Variants in SLC6A7 observed in about 807,000 individuals in gnomAD.
SLC6A7 encodes sodium-dependent proline transporter.
In SLC6A7, 58 loss-of-function variants were observed where a neutral mutation model predicts 73.1. That is an observed-to-expected ratio of 0.79 (90% confidence interval 0.64 to 0.99). SLC6A7 has a LOEUF of 0.99. SLC6A7 is among the 50% of genes least tolerant of loss of function. The probability of loss-of-function intolerance (pLI) is 0.00; values close to 1 mark genes in which losing one functional copy is unlikely to be tolerated. For missense variants in SLC6A7, 783 were observed against 831.4 expected (o/e 0.94, Z 0.72); for synonymous variants, 338 against 338.7 (o/e 1.00, Z 0.02).
intron 4 of SLC6A7, among the ~76,000 whole-genome samples, chr5:150,198,047 AAG>A (rs1314662126): frequency 8.3e-5 from 11 of 132,632 alleles, no homozygotes; most frequent in Non-Finnish European, 1.4e-4. Context: ...TAAAAGAAGA[AAG>A]AGAAAGAAAG....
At chr5:150,206,667 T>C (rs1016099137) in intron 13 of SLC6A7, among the ~76,000 whole-genome samples, 10 of 152,226 alleles carry the variant, frequency 6.6e-5, no homozygotes, top group African/African-American at 2.4e-4. Flanking sequence ...CCCTGGAGTC[T>C]AGCCTCTGCA....
At position 150,205,233 on chromosome 5, in the gene SLC6A7, A is replaced by T. The variant is rs2342278; in HGVS notation, c.1534-223A>T. 2.6e-5 allele frequency among the ~76,000 whole-genome samples: 4 copies of T among 152,328 alleles called. No homozygotes were observed. The East Asian group carries it at 7.7e-4, about 29-fold the overall frequency. Reference sequence around the variant, plus strand: ...GCTAAGGGTCTGGGGTGCCTCAGAAATGGCTTGTGCAGGCCTTGGTGTTGG... The same window carrying T: ...GCTAAGGGTCTGGGGTGCCTCAGAATTGGCTTGTGCAGGCCTTGGTGTTGG... On this transcript the variant is annotated intron_variant, in intron 12 of 13. Transcript: ENST00000230671.
chr5:150,190,305 G>C lies in SLC6A7; in HGVS notation c.-23G>C, dbSNP rs765059354. The C allele has an allele frequency of 2.8e-5, 42 of 1,510,348 alleles. No homozygotes were observed. Among genetic ancestry groups the C allele is most frequent in the Admixed American group, 2.0e-4 (9 of 45,956 alleles). The allele number at this position is 1,510,348 out of a possible 1,614,324, so 93.6% of individuals were successfully genotyped here. ...GCTCTCTGCGCTCCGGGGCAGCTGA[G>C]CCCCGGCCACCCGCTCTCCAAGATG... is the stretch of plus-strand genomic sequence containing the variant. On this transcript the variant is annotated 5_prime_UTR_variant, in exon 1 of 14. Transcript: ENST00000230671.
At chr5:150,208,692 T>C (rs1179836875) in intron 13 of SLC6A7, among the ~76,000 whole-genome samples, 1 of 152,182 alleles carries the variant, frequency 6.6e-6, no homozygotes, top group Non-Finnish European at 1.5e-5. Context: ...ATTGCCTCCT[T>C]TCTTTAAGGA....
At chr5:150,209,173 G>A (rs1202142766) in intron 13 of SLC6A7, among the ~76,000 whole-genome samples, 2 of 152,246 alleles carry the variant, frequency 1.3e-5, no homozygotes, top group African/African-American at 2.4e-5. Flanking sequence ...ACCCAGAGCC[G>A]AGCGGCATTG....
chr5:150,198,107 G>GAAGGAAAGAA (rs1562085460), intron 4 of SLC6A7, among the ~76,000 whole-genome samples: 19 of 101,462 alleles, frequency 1.9e-4, no homozygotes, highest in Non-Finnish European at 3.7e-4. Flanking sequence ...AAGAAAGAAA[G>GAAGGAAAGAA]AAAGAAAGAG....
Position 150,190,337 on chromosome 5 carries a change from C to CTCCA in SLC6A7, c.11_14dup (p.Gln5HisfsTer20). On this transcript the variant is annotated frameshift_variant, in exon 1 of 14. Transcript: ENST00000230671. LOFTEE classifies it high-confidence loss of function. Reference sequence around the variant, plus strand: ...CCACCCGCTCTCCAAGATGAAGAAGCTCCAGGGAGCTCACCTCCGCAAGGT... The same window carrying CTCCA: ...CCACCCGCTCTCCAAGATGAAGAAGCTCCATCCAGGGAGCTCACCTCCGCAAGGT... 1 of 1,510,288 alleles carries CTCCA rather than the reference C, an allele frequency of 6.6e-7. No individual in the cohort carries two copies. The highest frequency in any genetic ancestry group is 8.8e-7 in the Non-Finnish European group (1 of 1,130,426). The allele number at this position is 1,510,288 out of a possible 1,614,324, so 93.6% of individuals were successfully genotyped here. A position where few individuals can be genotyped will look rare whatever the true frequency, so the allele number is the denominator to read the frequency against.
Position 150,190,173 on chromosome 5 carries a change from C to A in SLC6A7, c.-155C>A. ...CGCAGCGCCCTGCCCGCGCTCCACG[C>A]CCGCAGCCGCCAGACGGCAGCGCCT... is the stretch of plus-strand genomic sequence containing the variant. On this transcript the variant is annotated 5_prime_UTR_variant, in exon 1 of 14. Transcript: ENST00000230671. 1 of 558,190 alleles carries A rather than the reference C, an allele frequency of 1.8e-6. No homozygotes were observed. 34.6% of individuals were successfully genotyped at this position (558,190 alleles called of 1,614,324 possible).
chr5:150,193,512 G>A lies in SLC6A7; in HGVS notation c.34-1216G>A, dbSNP rs570740374. On this transcript the variant is annotated intron_variant, in intron 1 of 13. Transcript: ENST00000230671. ...CCCCCCAGCCAAGCTGTCAGCATGC[G>A]GGGAGGGGGAGTATTGGGGAAGTTT... Among the ~76,000 whole-genome samples, 19 of 152,276 alleles carry A rather than the reference G, an allele frequency of 1.2e-4. 1 individual carries two copies. The Middle Eastern group carries it at 0.014, about 109-fold the overall frequency.
rs570525801 is a variant in SLC6A7 at position 150,204,720 on chromosome 5, GTCCCAA to G, written c.1432+90_1432+95del. On this transcript the variant is annotated intron_variant, in intron 11 of 13. Coordinates refer to ENST00000230671, the MANE Select transcript of SLC6A7 (RefSeq NM_014228.5). Reference sequence around the variant, plus strand: ...GGGAGCCCCAGTACCTGGGTCCCTGGTCCCAAGGGCCAGGGTTTCCAGTGGGGGCAG... The same window carrying G: ...GGGAGCCCCAGTACCTGGGTCCCTGGGGGCCAGGGTTTCCAGTGGGGGCAG... 2.6e-4 allele frequency: 349 copies of G among 1,359,866 alleles called. No individual in the cohort carries two copies. In the African/African-American group the frequency reaches 4.7e-3, roughly 18 times the overall value. The allele number at this position is 1,359,866 out of a possible 1,614,324, so 84.2% of individuals were successfully genotyped here.
intron 8 of SLC6A7, 94 bp from the exon 9 acceptor site, chr5:150,203,573 C>T (rs1753501058): frequency 2.9e-6 from 2 of 689,644 alleles, no homozygotes; most frequent in Non-Finnish European, 5.3e-6. Context: ...AAACAAATGG[C>T]CCAAATGAGT....
chr5:150,199,359 C>T lies in SLC6A7; in HGVS notation c.716C>T (p.Ser239Leu), dbSNP rs144380776. 57 of 1,612,664 alleles carry T rather than the reference C, an allele frequency of 3.5e-5. No individual in the cohort carries two copies. Among genetic ancestry groups the T allele is most frequent in the African/African-American group, 1.5e-4 (11 of 74,896 alleles). ...TGTATCCTCAAGGGTGTGAAGTCTT[C>T]GGGCAAGGTGAAGCCTGGGAGGCCC... ...FLCILKGVKS[S>L]GKVVYFTATF... The change falls in exon 5 of 14, where the codon TCG (serine) becomes TTG (leucine). Residue 239 changes from serine to leucine, a missense_variant. Ser to Leu is a moderately radical substitution (Grantham distance 145). Coordinates refer to ENST00000230671, the MANE Select transcript of SLC6A7 (RefSeq NM_014228.5).
At chr5:150,202,773 C>T (rs1415110133) in intron 8 of SLC6A7, 70 bp downstream of exon 8, 4 of 1,544,374 alleles carry the variant, frequency 2.6e-6, no homozygotes, top group East Asian at 4.6e-5. Flanking sequence ...GGCCAGTGGA[C>T]CAGCAAGATT....
chr5:150,205,898 G>A (rs997774106), intron 13 of SLC6A7, among the ~76,000 whole-genome samples: 2 of 152,128 alleles, frequency 1.3e-5, no homozygotes, highest in African/African-American at 4.8e-5. Context: ...GGTGTGTCAG[G>A]TCTTGAACTC....
At chr5:150,196,439 C>G (rs1753023955) in intron 2 of SLC6A7, among the ~76,000 whole-genome samples, 1 of 152,198 alleles carries the variant, frequency 6.6e-6, no homozygotes, top group Non-Finnish European at 1.5e-5. Flanking sequence ...GCAGGAAATT[C>G]ACACATTCTC....
intron 10 of SLC6A7, 87 bp downstream of exon 10, chr5:150,204,125 TG>T (rs1753556972): frequency 7.4e-7 from 1 of 1,350,124 alleles, no homozygotes; most frequent in Admixed American, 2.1e-5. Flanking sequence ...GAGCAGTTGC[TG>T]GGCCCCCTCC....
At position 150,204,902 on chromosome 5, in the gene SLC6A7, T is replaced by C. The variant is rs576710922; in HGVS notation, c.1508T>C (p.Leu503Pro). The C allele has an allele frequency of 4.4e-6, 7 of 1,601,826 alleles. No homozygotes were observed. The East Asian group carries it at 1.6e-4, about 36-fold the overall frequency. The change falls in exon 12 of 14, where the codon CTG becomes CCG. Residue 503 changes from leucine (L) to proline (P), a missense_variant. Transcript: ENST00000230671. ...GGCCTCTACTTCAGGGCCTGCTGGC[T>C]GTTCCTGTCCCCAGCCACGCTCTTG... ...KPGLYFRACWLFLSPATLLAL... is the reference protein window; with the variant it reads ...KPGLYFRACWPFLSPATLLAL...
In SLC6A7 at chr5:150,197,255, GC is replaced by G; in HGVS notation, c.567del (p.Ser190AlafsTer47). On this transcript the variant is annotated frameshift_variant, in exon 4 of 14. Transcript: ENST00000230671. LOFTEE classifies it high-confidence loss of function. ...CCCCTCAACCTCACCTGCACCGTCA[GC>G]CCCAGCGAGGAGTACTGGAGGTCAG... The part of the protein sequence containing the change: ...ALPLNLTCTV[S>X]PSEEYWSRYV... 1.2e-6 allele frequency: 2 copies of G among 1,610,440 alleles called. No homozygotes were observed. The highest frequency in any genetic ancestry group is 1.7e-6 in the Non-Finnish European group (2 of 1,178,094).
intron 13 of SLC6A7, 128 bp from the exon 14 acceptor site, chr5:150,209,278 C>T (rs143456372): frequency 9.9e-5 from 76 of 770,076 alleles, no homozygotes; most frequent in African/African-American, 6.8e-4. Flanking sequence ...CCCACTTCCC[C>T]GCCAGGGGGC....
Sources: allele counts gnomAD v4.1 joint callset (sites outside exome capture counted in the v4.1 genomes callset), GRCh38; gene constraint gnomAD v4.1.1; transcripts MANE v1.5; gene names NCBI Gene and HGNC (gene_info 2026-07-23, HGNC 2026-07-21).